The following MYCBP2 variants were observed in gnomAD, a reference collection of about 807,000 sequenced individuals.
MYCBP2 encodes the protein MYC binding protein 2.
A neutral mutation model predicts 525.3 loss-of-function variants in MYCBP2; 120 were observed. That is an observed-to-expected ratio of 0.23 (90% CI 0.20 to 0.27). MYCBP2 has a LOEUF of 0.27. MYCBP2 is among the 10% of genes least tolerant of loss of function. MYCBP2 has a pLI of 1.00. For missense variants in MYCBP2, 4,149 were observed against 5,657.1 expected (o/e 0.73, Z 8.55); for synonymous variants, 1,894 against 1,955.8 (o/e 0.97, Z 0.83).
intron 52 of MYCBP2, among the ~76,000 whole-genome samples, chr13:77,133,006 A>T (rs868404062): frequency 2.0e-5 from 3 of 152,184 alleles, no homozygotes; most frequent in Admixed American, 6.6e-5. Context: ...ATCCTCATTC[A>T]ACCATTAAGG....
rs192112697 is a variant in MYCBP2 at position 77,326,041 on chromosome 13, T to C, written c.302+433A>G. On this transcript the variant is annotated intron_variant, in intron 1 of 82. Coordinates refer to ENST00000544440, the MANE Select transcript of MYCBP2 (RefSeq NM_015057.5). The surrounding 1 kb of genome is among the most constrained non-coding windows in gnomAD (Gnocchi z 4.2). ...GGAGAGGCGGCACGTGCAAATAACA[T>C]TGCGGCAGAGACACTGAAAACGCCA... Among the ~76,000 whole-genome samples the C allele has an allele frequency of 9.2e-5, 14 of 152,072 alleles. No homozygotes were observed. The East Asian group carries it at 2.1e-3, about 23-fold the overall frequency.
At chr13:77,053,606 A>C (rs1470589922) in intron 80 of MYCBP2, among the ~76,000 whole-genome samples, 1 of 152,186 alleles carries the variant, frequency 6.6e-6, no homozygotes, top group Non-Finnish European at 1.5e-5. Flanking sequence ...TAAGCATTTG[A>C]CTGCTACCCT....
intron 49 of MYCBP2, among the ~76,000 whole-genome samples, chr13:77,142,507 C>T (rs901667204): frequency 2.6e-5 from 4 of 152,220 alleles, no homozygotes; most frequent in Admixed American, 1.3e-4. Context: ...TTTACCTCCA[C>T]TGCCAAAGCA....
intron 81 of MYCBP2, 51 bp from the exon 82 acceptor site, chr13:77,051,213 A>G (rs1306187886): frequency 7.2e-6 from 11 of 1,519,458 alleles, no homozygotes; most frequent in East Asian, 2.3e-5. Flanking sequence ...GACTATTTCA[A>G]TCACACTTAA....
At chr13:77,095,030 A>G (rs1168598604) in intron 58 of MYCBP2, among the ~76,000 whole-genome samples, 1 of 152,186 alleles carries the variant, frequency 6.6e-6, no homozygotes, top group African/African-American at 2.4e-5. Context: ...TGCTAAGGAA[A>G]CACACTTTCT....
intron 1 of MYCBP2, among the ~76,000 whole-genome samples, chr13:77,311,565 G>GTT (rs747995110): frequency 0.031 from 3,834 of 121,828 alleles, 178 homozygotes; most frequent in African/African-American, 0.12. Flanking sequence ...GTTTTTTTTT[G>GTT]TTTTTTTTTT....
At chr13:77,313,248 T>C (rs773769164) in intron 1 of MYCBP2, among the ~76,000 whole-genome samples, 4 of 152,082 alleles carry the variant, frequency 2.6e-5, no homozygotes, top group Non-Finnish European at 4.4e-5. Context: ...TAAATACTTA[T>C]ATTGGAAGAA....
At chr13:77,107,493 T>C (rs1295459969) in intron 55 of MYCBP2, among the ~76,000 whole-genome samples, 1 of 152,118 alleles carries the variant, frequency 6.6e-6, no homozygotes, top group African/African-American at 2.4e-5. Context: ...TCCTAGCACT[T>C]TGGTAGGCCA....
At chr13:77,070,049 C>A (rs2040908065) in intron 69 of MYCBP2, among the ~76,000 whole-genome samples, 1 of 152,006 alleles carries the variant, frequency 6.6e-6, no homozygotes, top group Non-Finnish European at 1.5e-5. Flanking sequence ...GCTCAGCCAA[C>A]ACACAGAAGA....
intron 17 of MYCBP2, among the ~76,000 whole-genome samples, chr13:77,239,141 A>T (rs1222187766): frequency 6.6e-6 from 1 of 152,222 alleles, no homozygotes. Flanking sequence ...ACTAGAGCCC[A>T]GAGTTCTGAT....
intron 1 of MYCBP2, among the ~76,000 whole-genome samples, chr13:77,301,422 C>CAAAAAAAAAA (rs11338423): frequency 2.5e-5 from 1 of 40,510 alleles, no homozygotes; most frequent in Non-Finnish European, 4.9e-5. Flanking sequence ...GACTCCATCT[C>CAAAAAAAAAA]AAAAAAAAAA....
chr13:77,304,720 A>G (rs927173517), intron 1 of MYCBP2, among the ~76,000 whole-genome samples: 2 of 152,166 alleles, frequency 1.3e-5, no homozygotes, highest in Non-Finnish European at 2.9e-5. Flanking sequence ...ATCATATTAT[A>G]CCCCATGTAT....
chr13:77,060,146 C>G (rs749520900), intron 76 of MYCBP2, among the ~76,000 whole-genome samples: 1 of 151,936 alleles, frequency 6.6e-6, no homozygotes, highest in Non-Finnish European at 1.5e-5. Flanking sequence ...AAAGAAGAAA[C>G]AGAATCAATA....
At chr13:77,258,232 A>C (rs1414700521) in intron 13 of MYCBP2, among the ~76,000 whole-genome samples, 1 of 152,236 alleles carries the variant, frequency 6.6e-6, no homozygotes, top group Non-Finnish European at 1.5e-5. Flanking sequence ...TAGTATATTG[A>C]CATGAAATTG....
intron 27 of MYCBP2, among the ~76,000 whole-genome samples, chr13:77,193,880 G>C (rs1566879245): frequency 2.0e-5 from 3 of 152,080 alleles, no homozygotes; most frequent in Non-Finnish European, 4.4e-5. Context: ...AGAGATGCAT[G>C]AAAGTAAAGG....
rs1433056885 is a variant in MYCBP2 at position 77,125,442 on chromosome 13, C to G, written c.7911G>C (p.Val2637=). 2 of 1,613,842 alleles carry G rather than the reference C, an allele frequency of 1.2e-6. No homozygotes were observed. Among genetic ancestry groups the G allele is most frequent in the Non-Finnish European group, 1.7e-6 (2 of 1,179,796 alleles). The change falls in exon 54 of 83, where the codon GTG becomes GTC. Residue 2637 remains valine (V), a synonymous_variant. Coordinates refer to ENST00000544440, the MANE Select transcript of MYCBP2 (RefSeq NM_015057.5). ...GEVTNSEGTW[V]QLDQNSMVEF... is the part of the protein sequence containing the mutation. ...CTACCATGCTGTTCTGATCCAGTTGCACCCATGTCCCTTCAGAATTGGTTA... is the reference window on the plus strand; with the variant it reads ...CTACCATGCTGTTCTGATCCAGTTGGACCCATGTCCCTTCAGAATTGGTTA...
Position 77,168,665 on chromosome 13 carries a change from T to C in MYCBP2, c.5896-19A>G. 2.5e-6 allele frequency: 4 copies of C among 1,608,540 alleles called. No individual in the cohort carries two copies. Among genetic ancestry groups the C allele is most frequent in the Non-Finnish European group, 2.6e-6 (3 of 1,175,232 alleles). ...CAGCCACCTAGTACACATATAAAAA[T>C]ATGGTTAAATGAGATACACGTGAAA... On this transcript the variant is annotated intron_variant, in intron 39 of 82. Transcript: ENST00000544440.
At chr13:77,162,077 G>A (rs1430788180) in intron 43 of MYCBP2, 122 bp from the exon 44 acceptor site, 1 of 684,144 alleles carries the variant, frequency 1.5e-6, no homozygotes, top group Admixed American at 3.2e-5. Context: ...AGATTGAAAA[G>A]ATTTGTGATT....
At chr13:77,153,731 A>G (rs2056836234) in intron 46 of MYCBP2, among the ~76,000 whole-genome samples, 1 of 138,622 alleles carries the variant, frequency 7.2e-6, no homozygotes, top group Admixed American at 7.7e-5. Context: ...TTGTCAATAA[A>G]TAAGATTTCC....
Sources: gnomAD v4.1 joint callset for allele counts (sites outside exome capture counted in the v4.1 genomes callset) on GRCh38, gnomAD v4.1.1 for gene constraint, Gnocchi (gnomAD v3.1) non-coding constraint, MANE v1.5 for transcripts, NCBI Gene and HGNC (gene_info 2026-07-23, HGNC 2026-07-21) for gene names.